SNTG1: variants seen among roughly 807,000 people sequenced by gnomAD.
SNTG1 encodes gamma-1-syntrophin.
A neutral mutation model predicts 74.7 loss-of-function variants in SNTG1; 39 were observed. The ratio of observed to expected loss-of-function variants is 0.52; its 90% confidence interval spans 0.40 to 0.68. SNTG1 has a LOEUF of 0.68. SNTG1 is among the 30% of genes least tolerant of loss of function. The pLI is 0.00. For synonymous variants in SNTG1, 254 were observed against 217.1 expected, an observed-to-expected ratio of 1.17 and a Z score of -1.49; for missense variants, 685 against 609.5, an observed-to-expected ratio of 1.12 and a Z score of -1.30.
chr8:50,789,834 C>T (rs1361828019), intron 18 of SNTG1, among the ~76,000 whole-genome samples: 1 of 151,954 alleles, frequency 6.6e-6, no homozygotes, highest in Non-Finnish European at 1.5e-5. Flanking sequence ...TTTCCCATGT[C>T]GCTCATAGTA....
At chr8:50,027,517 G>T (rs1005555216) in intron 1 of SNTG1, among the ~76,000 whole-genome samples, 4 of 152,208 alleles carry the variant, frequency 2.6e-5, no homozygotes, top group African/African-American at 9.6e-5. Context: ...TGTGGAGACA[G>T]ACATACAGAG....
intron 18 of SNTG1, among the ~76,000 whole-genome samples, chr8:50,788,026 A>T (rs7843332): frequency 0.094 from 14,225 of 152,060 alleles, 1,961 homozygotes; most frequent in African/African-American, 0.3. Flanking sequence ...TGCAGAAAAA[A>T]GGTGAATGAC....
At chr8:50,538,779 G>A (rs761575010) in intron 11 of SNTG1, among the ~76,000 whole-genome samples, 61 of 152,014 alleles carry the variant, frequency 4.0e-4, no homozygotes, top group Non-Finnish European at 8.4e-4. Context: ...GATTAGTCCC[G>A]CTTTCCATTC....
chr8:50,449,052 C>CATAA (rs752936597), intron 5 of SNTG1, among the ~76,000 whole-genome samples: 4 of 151,854 alleles, frequency 2.6e-5, no homozygotes, highest in African/African-American at 7.3e-5. Context: ...TAAATAAATA[C>CATAA]ATAAATAAAT....
intron 1 of SNTG1, among the ~76,000 whole-genome samples, chr8:50,129,281 TAGAAG>T (rs1479810671): frequency 6.6e-6 from 1 of 152,046 alleles, no homozygotes; most frequent in Non-Finnish European, 1.5e-5. Context: ...GCATATGGCA[TAGAAG>T]AGAAAAGAGT....
chr8:50,374,987 G>A (rs1000311189), intron 2 of SNTG1, among the ~76,000 whole-genome samples: 2 of 152,108 alleles, frequency 1.3e-5, no homozygotes, highest in African/African-American at 4.8e-5. Flanking sequence ...AATGTGTCCT[G>A]GATAAGGAAG....
intron 1 of SNTG1, among the ~76,000 whole-genome samples, chr8:50,054,332 A>G (rs1019228417): frequency 1.3e-5 from 2 of 152,082 alleles, no homozygotes; most frequent in African/African-American, 4.8e-5. Flanking sequence ...CTTATATTCT[A>G]TATTCAACCA....
At chr8:50,134,186 G>C (rs1011141724) in intron 1 of SNTG1, among the ~76,000 whole-genome samples, 5 of 152,134 alleles carry the variant, frequency 3.3e-5, no homozygotes, top group Non-Finnish European at 7.4e-5. Flanking sequence ...CAGAAAGGAA[G>C]AGATCCTTGA....
chr8:50,458,379 T>C (rs2093528096), intron 8 of SNTG1, among the ~76,000 whole-genome samples: 1 of 152,118 alleles, frequency 6.6e-6, no homozygotes, highest in African/African-American at 2.4e-5. Context: ...GATATCTATC[T>C]TCAAAAATTA....
chr8:50,197,847 G>C (rs1014190816), intron 2 of SNTG1, among the ~76,000 whole-genome samples: 1 of 151,752 alleles, frequency 6.6e-6, no homozygotes, highest in African/African-American at 2.4e-5. Flanking sequence ...TTTCCCGTTG[G>C]TTTTACTGGC....
chr8:50,703,972 G>A (rs947774278), intron 15 of SNTG1, among the ~76,000 whole-genome samples: 10 of 151,944 alleles, frequency 6.6e-5, no homozygotes. Flanking sequence ...TTTTTCTCAT[G>A]TTAATGTCTC....
intron 1 of SNTG1, among the ~76,000 whole-genome samples, chr8:49,931,611 AC>A (rs551114377): frequency 6.6e-5 from 10 of 152,326 alleles, no homozygotes; most frequent in Admixed American, 1.3e-4. Flanking sequence ...GAAAAAACTA[AC>A]CAAAAAAGCA....
rs185658098 is a variant in SNTG1 at position 50,707,834 on chromosome 8, G to A, written c.1192-1052G>A. The A allele has an allele frequency of 9.6e-4, 359 of 372,468 alleles. 2 individuals carry two copies. Among genetic ancestry groups the A allele is most frequent in the Middle Eastern group, 4.2e-3 (6 of 1,438 alleles). The allele number at this position is 372,468 out of a possible 1,614,324, so 23.1% of individuals were successfully genotyped here. A position where few individuals can be genotyped will look rare whatever the true frequency, so the allele number is the denominator to read the frequency against. ...TATAGATGTAACAATACATCATGTC[G>A]TATATAAACCTTAAGTTTTTATTTC... On this transcript the variant is annotated intron_variant, in intron 16 of 18. Coordinates refer to ENST00000642720, the MANE Select transcript of SNTG1 (RefSeq NM_018967.5).
chr8:50,389,698 C>T (rs1281955257), intron 2 of SNTG1, among the ~76,000 whole-genome samples: 1 of 152,134 alleles, frequency 6.6e-6, no homozygotes, highest in Non-Finnish European at 1.5e-5. Context: ...ACAGTCCCAC[C>T]AACACTGTAA....
chr8:50,503,457 G>T (rs1268920548), intron 9 of SNTG1, among the ~76,000 whole-genome samples: 1 of 152,110 alleles, frequency 6.6e-6, no homozygotes, highest in Admixed American at 6.6e-5. Flanking sequence ...CAAAGATCTT[G>T]CACAGTCGGA....
At chr8:50,351,510 A>G (rs1389543400) in intron 2 of SNTG1, among the ~76,000 whole-genome samples, 2 of 152,146 alleles carry the variant, frequency 1.3e-5, no homozygotes. Flanking sequence ...TTTGCTTTTG[A>G]TCATGTATAA....
At chr8:50,613,652 T>C (rs1563648228) in intron 13 of SNTG1, among the ~76,000 whole-genome samples, 1 of 152,306 alleles carries the variant, frequency 6.6e-6, no homozygotes, top group Non-Finnish European at 1.5e-5. Flanking sequence ...ACATGGCTGG[T>C]GAGTGTGAAT....
chr8:50,289,835 T>C (rs539269239), intron 2 of SNTG1, among the ~76,000 whole-genome samples: 22 of 152,112 alleles, frequency 1.4e-4, no homozygotes, highest in African/African-American at 5.1e-4. Flanking sequence ...AACTGCAGAG[T>C]TGCTTAAGGT....
intron 8 of SNTG1, among the ~76,000 whole-genome samples, chr8:50,472,800 T>G (rs578058589): frequency 2.0e-5 from 3 of 152,034 alleles, no homozygotes; most frequent in African/African-American, 7.2e-5. Flanking sequence ...TCGGAATATA[T>G]AAAGAACTAC....
Sources: allele counts gnomAD v4.1 joint callset (sites outside exome capture counted in the v4.1 genomes callset), GRCh38; gene constraint gnomAD v4.1.1; transcripts MANE v1.5; gene names NCBI Gene and HGNC (gene_info 2026-07-23, HGNC 2026-07-21).